The following TNRC6A variants were observed in gnomAD, a reference collection of about 807,000 sequenced individuals.
TNRC6A encodes the protein trinucleotide repeat containing adaptor 6A, also known as trinucleotide repeat-containing gene 6A protein.
In TNRC6A, 44 loss-of-function variants were observed where a neutral mutation model predicts 221.2. The ratio of observed to expected loss-of-function variants is 0.20; its 90% CI spans 0.16 to 0.26. The LOEUF is 0.26. Ranked by LOEUF, TNRC6A falls within the 10% of genes least tolerant of loss-of-function variation. The probability of loss-of-function intolerance (pLI) is 1.00; values close to 1 mark genes in which losing one functional copy is unlikely to be tolerated. For synonymous variants in TNRC6A, 847 were observed against 838.5 expected (o/e 1.01, Z -0.18); for missense variants, 2,199 against 2,404.4 (o/e 0.91, Z 1.79).
chr16:24,679,961 A>G lies in TNRC6A; in HGVS notation n.402+38952A>G, dbSNP rs147260087. ...CAATATTCACTCCAGGATATCATCC[A>G]TGTAAAATAAAATACAACTTAACAC... is the stretch of plus-strand genomic sequence containing the variant. On this transcript the variant is annotated intron_variant and non_coding_transcript_variant, in intron 2 of 2. Transcript: ENST00000566108. Among the ~76,000 whole-genome samples, 507 of 152,332 alleles carry G rather than the reference A, an allele frequency of 3.3e-3. 4 individuals are homozygous for G. Among genetic ancestry groups the G allele is most frequent in the African/African-American group, 0.012 (480 of 41,580 alleles).
chr16:24,743,890 T>G (rs187627891), intron 2 of TNRC6A, among the ~76,000 whole-genome samples: 1 of 152,328 alleles, frequency 6.6e-6, no homozygotes, highest in East Asian at 1.9e-4. Flanking sequence ...TAATAGCAGA[T>G]CTACAGATCT....
chr16:24,678,118 T>G (rs1450830456), intron 2 of TNRC6A, among the ~76,000 whole-genome samples: 1 of 151,994 alleles, frequency 6.6e-6, no homozygotes, highest in Non-Finnish European at 1.5e-5. Flanking sequence ...AAGACCAGCC[T>G]GGGCAACATG....
intron 2 of TNRC6A, among the ~76,000 whole-genome samples, chr16:24,648,489 C>T (rs917266995): frequency 1.4e-4 from 21 of 151,902 alleles, no homozygotes; most frequent in East Asian, 5.8e-4. Context: ...CCAGGATGGT[C>T]TCGATCTCCT....
intron 4 of TNRC6A, among the ~76,000 whole-genome samples, chr16:24,765,739 G>A (rs74013494): frequency 0.025 from 3,732 of 152,154 alleles, 143 homozygotes; most frequent in African/African-American, 0.083. Flanking sequence ...AAAAAAAATG[G>A]CCTTCCACTT....
At chr16:24,822,225 C>A in intron 23 of TNRC6A, 78 bp downstream of exon 23, 1 of 1,415,598 alleles carries the variant, frequency 7.1e-7, no homozygotes, top group Non-Finnish European at 9.9e-7. Context: ...GTATGTGAGA[C>A]AAGGGCTGCT....
At chr16:24,686,557 A>C (rs2055629713) in intron 2 of TNRC6A, among the ~76,000 whole-genome samples, 1 of 152,136 alleles carries the variant, frequency 6.6e-6, no homozygotes, top group African/African-American at 2.4e-5. Context: ...TTATTTACTC[A>C]TTCTTTCTTT....
At chr16:24,795,843 A>G in intron 8 of TNRC6A, 64 bp from the exon 9 acceptor site, 2 of 1,470,006 alleles carry the variant, frequency 1.4e-6, no homozygotes, top group Non-Finnish European at 1.8e-6. Flanking sequence ...TAGGTCTTCC[A>G]GTTCCAAACC....
chr16:24,632,183 A>G (rs1240520246), intron 1 of TNRC6A, among the ~76,000 whole-genome samples: 1 of 152,110 alleles, frequency 6.6e-6, no homozygotes, highest in East Asian at 1.9e-4. Flanking sequence ...ATATCTGTAA[A>G]TATCATCTAC....
intron 2 of TNRC6A, among the ~76,000 whole-genome samples, chr16:24,688,619 T>G (rs1296134182): frequency 6.6e-6 from 1 of 152,138 alleles, no homozygotes; most frequent in African/African-American, 2.4e-5. Flanking sequence ...CTAAGTCCAG[T>G]GAGGTCCAGA....
At position 24,791,761 on chromosome 16, in the gene TNRC6A, A is replaced by C. The variant is rs968244566; in HGVS notation, c.3119A>C (p.His1040Pro). 6.3e-7 allele frequency: 1 copy of C among 1,599,116 alleles called. No individual in the cohort carries two copies. Among genetic ancestry groups the C allele is most frequent in the Non-Finnish European group, 8.5e-7 (1 of 1,174,824 alleles). The part of the protein sequence containing the change: ...NSRSDQQAQV[H>P]QLLTPASAIS... ...CGTTCAGACCAGCAAGCACAGGTAC[A>C]TCAGCTGCTAACGCCTGCAAGTGCC... Residue 1040 changes from histidine (H) to proline (P), a missense_variant, in exon 6 of 25, where the codon CAT (histidine) becomes CCT (proline). By Grantham distance (77) the His-to-Pro change is moderately conservative. Coordinates refer to ENST00000395799, the MANE Select transcript of TNRC6A (RefSeq NM_014494.4).
At chr16:24,691,566 C>T (rs6497749) in intron 2 of TNRC6A, among the ~76,000 whole-genome samples, 30,838 of 151,720 alleles carry the variant, frequency 0.2, 5,080 homozygotes, top group African/African-American at 0.44. Flanking sequence ...GCCAGGAGTT[C>T]GAGAACAGCC....
chr16:24,746,096 A>G (rs757031404), intron 2 of TNRC6A, among the ~76,000 whole-genome samples: 2 of 152,174 alleles, frequency 1.3e-5, no homozygotes, highest in Non-Finnish European at 1.5e-5. Flanking sequence ...TGCAAGAGCC[A>G]GATCAACTTC....
intron 22 of TNRC6A, among the ~76,000 whole-genome samples, chr16:24,820,794 C>A (rs1424650444): frequency 6.6e-6 from 1 of 152,164 alleles, no homozygotes; most frequent in African/African-American, 2.4e-5. Context: ...CAGGCATAAG[C>A]CAGAAGGCCC....
intron 2 of TNRC6A, among the ~76,000 whole-genome samples, chr16:24,744,393 T>G (rs2056957316): frequency 6.6e-6 from 1 of 152,226 alleles, no homozygotes; most frequent in Non-Finnish European, 1.5e-5. Flanking sequence ...ATCAATGTGC[T>G]TGCCTTAACC....
At chr16:24,612,254 G>A (rs1900089166) in intron 1 of TNRC6A, among the ~76,000 whole-genome samples, 1 of 152,122 alleles carries the variant, frequency 6.6e-6, no homozygotes, top group Non-Finnish European at 1.5e-5. Flanking sequence ...TTTTAACAAC[G>A]ACAGAGCAGA....
intron 2 of TNRC6A, among the ~76,000 whole-genome samples, chr16:24,680,240 C>A (rs901264007): frequency 6.6e-6 from 1 of 151,478 alleles, no homozygotes; most frequent in East Asian, 1.9e-4. Context: ...GGCAACATAG[C>A]AAGACCCTGT....
chr16:24,715,289 G>A (rs1331112462), intron 2 of TNRC6A, among the ~76,000 whole-genome samples: 1 of 151,668 alleles, frequency 6.6e-6, no homozygotes, highest in Non-Finnish European at 1.5e-5. Flanking sequence ...TGTCCAGGAT[G>A]GTCTTGAACT....
At position 24,645,834 on chromosome 16, in the gene TNRC6A, C is replaced by CAAAAAAAAAAAAAAAAAAAAAAAA. The variant is rs36106864; in HGVS notation, n.402+4835_402+4858dup. Among the ~76,000 whole-genome samples the CAAAAAAAAAAAAAAAAAAAAAAAA allele has an allele frequency of 1.1e-3, 30 of 26,642 alleles. 8 individuals carry two copies. Among genetic ancestry groups the CAAAAAAAAAAAAAAAAAAAAAAAA allele is most frequent in the East Asian group, 2.8e-3 (2 of 706 alleles). 17.5% of individuals were successfully genotyped at this position (26,642 alleles called of 152,430 possible). A position where few individuals can be genotyped will look rare whatever the true frequency, so the allele number is the denominator to read the frequency against. On this transcript the variant is annotated intron_variant and non_coding_transcript_variant, in intron 2 of 2. Transcript: ENST00000566108. ...GAAACATGACAAGACCCTGTATCTA[C>CAAAAAAAAAAAAAAAAAAAAAAAA]AAAAAAAAAAAAAAAAAAAAAAAAA... is the stretch of plus-strand genomic sequence containing the variant.
At chr16:24,614,291 A>G (rs1236888095) in intron 1 of TNRC6A, among the ~76,000 whole-genome samples, 1 of 152,248 alleles carries the variant, frequency 6.6e-6, no homozygotes, top group Non-Finnish European at 1.5e-5. Context: ...CCGTGGGCCT[A>G]GACAAGTTAC....
Sources: gnomAD v4.1 joint callset for allele counts (sites outside exome capture counted in the v4.1 genomes callset) on GRCh38, gnomAD v4.1.1 for gene constraint, MANE v1.5 for transcripts, NCBI Gene and HGNC (gene_info 2026-07-23, HGNC 2026-07-21) for gene names.